KCTD8: variants seen among roughly 807,000 people sequenced by gnomAD.
The protein encoded by KCTD8 is BTB/POZ domain-containing protein KCTD8.
KCTD8 carries 27 observed loss-of-function variants against 31.5 expected under a neutral mutation model. The ratio of observed to expected loss-of-function variants is 0.86; its 90% CI spans 0.63 to 1.18. KCTD8 has a LOEUF of 1.18. KCTD8 is among the 50% of genes most tolerant of loss of function. The pLI is 0.00. For synonymous variants in KCTD8, 290 were observed against 280.0 expected (o/e 1.04, Z -0.36); for missense variants, 658 against 647.7 (o/e 1.02, Z -0.17).
chr4:44,369,722 A>AG (rs1196679717), intron 1 of KCTD8, among the ~76,000 whole-genome samples: 2 of 151,990 alleles, frequency 1.3e-5, no homozygotes, highest in Admixed American at 1.3e-4. Context: ...ACCTTCAGCC[A>AG]GGGGGGTTGT....
At chr4:44,324,260 T>G (rs1718385960) in intron 1 of KCTD8, among the ~76,000 whole-genome samples, 1 of 151,986 alleles carries the variant, frequency 6.6e-6, no homozygotes, top group African/African-American at 2.4e-5. Flanking sequence ...AGACATCCTC[T>G]CCTCTAGACC....
intron 1 of KCTD8, among the ~76,000 whole-genome samples, chr4:44,316,205 C>T (rs2109402665): frequency 6.6e-6 from 1 of 152,094 alleles, no homozygotes; most frequent in Admixed American, 6.5e-5. Context: ...TGCTATATAT[C>T]TTAACTATGT....
intron 1 of KCTD8, among the ~76,000 whole-genome samples, chr4:44,186,932 GTTTTA>G (rs1345189667): frequency 6.6e-6 from 1 of 150,738 alleles, no homozygotes; most frequent in Non-Finnish European, 1.5e-5. Context: ...GTTTCTTTTT[GTTTTA>G]TTTTATTTTG....
At chr4:44,230,113 CT>C (rs1356179399) in intron 1 of KCTD8, among the ~76,000 whole-genome samples, 2 of 152,140 alleles carry the variant, frequency 1.3e-5, no homozygotes, top group African/African-American at 4.8e-5. Flanking sequence ...CAGTCAAATT[CT>C]TTCTTTTGAG....
intron 1 of KCTD8, among the ~76,000 whole-genome samples, chr4:44,362,829 A>T (rs944318495): frequency 1.3e-5 from 2 of 151,846 alleles, no homozygotes; most frequent in Admixed American, 6.6e-5. Context: ...CCAAAAAAAA[A>T]TTTAATAGCA....
At chr4:44,228,381 C>T (rs1408973338) in intron 1 of KCTD8, among the ~76,000 whole-genome samples, 1 of 152,000 alleles carries the variant, frequency 6.6e-6, no homozygotes, top group Non-Finnish European at 1.5e-5. Flanking sequence ...CTTATTTTAC[C>T]TTAGTTACCT....
chr4:44,233,709 A>T (rs544896274), intron 1 of KCTD8, among the ~76,000 whole-genome samples: 1 of 152,342 alleles, frequency 6.6e-6, no homozygotes, highest in Non-Finnish European at 1.5e-5. Flanking sequence ...TTAGATTATG[A>T]ATATAATTTA....
chr4:44,308,968 A>G (rs1305116643), intron 1 of KCTD8, among the ~76,000 whole-genome samples: 2 of 152,164 alleles, frequency 1.3e-5, no homozygotes, highest in Non-Finnish European at 2.9e-5. Context: ...AATAGTAATT[A>G]TAATAATAGA....
intron 1 of KCTD8, among the ~76,000 whole-genome samples, chr4:44,267,707 G>C (rs1242749122): frequency 1.3e-5 from 2 of 152,028 alleles, no homozygotes; most frequent in Admixed American, 6.5e-5. Flanking sequence ...AATGATAAAG[G>C]GGATATCACC....
At chr4:44,400,214 A>G (rs1205808745) in intron 1 of KCTD8, among the ~76,000 whole-genome samples, 1 of 152,214 alleles carries the variant, frequency 6.6e-6, no homozygotes, top group Non-Finnish European at 1.5e-5. Flanking sequence ...TTCTAAAATA[A>G]TGGCTTGTAT....
intron 1 of KCTD8, among the ~76,000 whole-genome samples, chr4:44,295,332 T>G (rs1336631480): frequency 1.3e-5 from 2 of 151,962 alleles, no homozygotes; most frequent in Admixed American, 1.3e-4. Flanking sequence ...ACTAGACGAC[T>G]ATTAGTGCAT....
At chr4:44,340,027 G>T (rs1482614269) in intron 1 of KCTD8, among the ~76,000 whole-genome samples, 1 of 152,048 alleles carries the variant, frequency 6.6e-6, no homozygotes, top group Non-Finnish European at 1.5e-5. Flanking sequence ...CACATAAAAA[G>T]TGTTCAATGT....
At chr4:44,298,585 A>G (rs547997236) in intron 1 of KCTD8, among the ~76,000 whole-genome samples, 1 of 152,298 alleles carries the variant, frequency 6.6e-6, no homozygotes, top group South Asian at 2.1e-4. Flanking sequence ...CCCAGAAACA[A>G]TAAGAAATAG....
intron 1 of KCTD8, among the ~76,000 whole-genome samples, chr4:44,363,008 T>C (rs752818970): frequency 2.6e-5 from 4 of 152,116 alleles, no homozygotes; most frequent in African/African-American, 9.6e-5. Context: ...CATGTTGTTA[T>C]ATGGCTTTAA....
At chr4:44,352,888 A>G (rs548552123) in intron 1 of KCTD8, among the ~76,000 whole-genome samples, 43 of 152,114 alleles carry the variant, frequency 2.8e-4, no homozygotes, top group Middle Eastern at 3.4e-3. Flanking sequence ...CTCTCCCACT[A>G]TAATATCAAC....
chr4:44,185,476 G>A (rs1355387853), intron 1 of KCTD8, among the ~76,000 whole-genome samples: 3 of 152,244 alleles, frequency 2.0e-5, no homozygotes, highest in South Asian at 4.1e-4. Context: ...TAGCACATAC[G>A]ATAAAATTTG....
intron 1 of KCTD8, among the ~76,000 whole-genome samples, chr4:44,439,424 A>T (rs886413610): frequency 6.6e-6 from 1 of 152,184 alleles, no homozygotes; most frequent in Non-Finnish European, 1.5e-5. Context: ...ACTTTTGAAC[A>T]TACATTTAAC....
At chr4:44,440,761 A>G (rs1721792338) in intron 1 of KCTD8, among the ~76,000 whole-genome samples, 1 of 152,224 alleles carries the variant, frequency 6.6e-6, no homozygotes, top group Non-Finnish European at 1.5e-5. Context: ...CTACTGTAGA[A>G]GATCAACATG....
At chr4:44,364,011 A>G (rs1434297531) in intron 1 of KCTD8, among the ~76,000 whole-genome samples, 1 of 152,156 alleles carries the variant, frequency 6.6e-6, no homozygotes, top group African/African-American at 2.4e-5. Flanking sequence ...TAAAGGAAAA[A>G]TTATATGATC....
Sources: gnomAD v4.1 joint callset for allele counts (sites outside exome capture counted in the v4.1 genomes callset) on GRCh38, gnomAD v4.1.1 for gene constraint, MANE v1.5 for transcripts, NCBI Gene and HGNC (gene_info 2026-07-23, HGNC 2026-07-21) for gene names.